The following FGD4 variants were observed in gnomAD, a reference collection of about 807,000 sequenced individuals.
FGD4 encodes FYVE, RhoGEF and PH domain-containing protein 4.
A neutral mutation model predicts 102.0 loss-of-function variants in FGD4; 42 were observed. The observed-to-expected ratio is 0.41, with a 90% CI of 0.32 to 0.53. The LOEUF (loss-of-function observed/expected upper bound fraction) is 0.53, where lower values mean the gene tolerates loss of function less well. Among genes scored for constraint, FGD4 ranks in the 20% least tolerant of loss-of-function variants. The pLI is 0.21. For synonymous variants in FGD4, 380 were observed against 375.7 expected (o/e 1.01, Z -0.13); for missense variants, 902 against 1,078.2 (o/e 0.84, Z 2.29).
chr12:32,556,482 T>C (rs979250308), intron 1 of FGD4, among the ~76,000 whole-genome samples: 1 of 152,130 alleles, frequency 6.6e-6, no homozygotes, highest in African/African-American at 2.4e-5. Context: ...AGTGGAATTA[T>C]ACAGTATTTC....
intron 15 of FGD4, among the ~76,000 whole-genome samples, chr12:32,635,787 G>A (rs192209456): frequency 7.9e-5 from 12 of 152,172 alleles, no homozygotes; most frequent in African/African-American, 2.6e-4. Context: ...GGCTGAGGCG[G>A]GCGGATCACA....
intron 1 of FGD4, among the ~76,000 whole-genome samples, chr12:32,421,836 G>A (rs1428072305): frequency 1.3e-5 from 2 of 152,106 alleles, no homozygotes; most frequent in East Asian, 3.9e-4. Context: ...TTCACAGCTT[G>A]TATAGAAAAA....
intron 1 of FGD4, among the ~76,000 whole-genome samples, chr12:32,540,872 C>T (rs898145614): frequency 3.3e-5 from 5 of 152,038 alleles, no homozygotes; most frequent in African/African-American, 1.2e-4. Context: ...GTGAAGGGTC[C>T]TTTATGCAAG....
intron 1 of FGD4, among the ~76,000 whole-genome samples, chr12:32,535,123 T>C (rs1942135776): frequency 6.6e-6 from 1 of 152,220 alleles, no homozygotes; most frequent in African/African-American, 2.4e-5. Flanking sequence ...GAAATAGAAA[T>C]GTAATTCAAC....
chr12:32,600,796 C>T (rs1948375506), intron 5 of FGD4, among the ~76,000 whole-genome samples: 1 of 151,898 alleles, frequency 6.6e-6, no homozygotes, highest in Non-Finnish European at 1.5e-5. Context: ...TGATGTTCCC[C>T]TTTCCCAAGG....
In FGD4 at chr12:32,544,743, AT is replaced by A. The variant is rs755742916; in HGVS notation, c.167-19392del. Among the ~76,000 whole-genome samples the A allele has an allele frequency of 6.7e-6, 1 of 149,196 alleles. No homozygotes were observed. Among genetic ancestry groups the A allele is most frequent in the Non-Finnish European group, 1.5e-5 (1 of 67,264 alleles). On this transcript the variant is annotated intron_variant, in intron 1 of 16. Coordinates refer to ENST00000534526, the MANE Select transcript of FGD4 (RefSeq NM_001370298.3). The surrounding 1 kb of genome is among the most constrained non-coding windows in gnomAD (Gnocchi z 4.1). ...GATACTCTGTCTCCAAAAAAAAAAA[AT>A]TACTATTAAAATTAGTCTTCATGGT...
chr12:32,594,902 G>C (rs1487322714), intron 4 of FGD4, among the ~76,000 whole-genome samples: 1 of 151,964 alleles, frequency 6.6e-6, no homozygotes, highest in Non-Finnish European at 1.5e-5. Context: ...ATGGTGGCAC[G>C]CACGTGTAGT....
At chr12:32,502,389 G>C in intron 1 of FGD4, 2 of 964,178 alleles carry the variant, frequency 2.1e-6, no homozygotes, top group Non-Finnish European at 2.5e-6. Flanking sequence ...TTGTGTGGGG[G>C]CATTATCTCC....
At position 32,642,835 on chromosome 12, in the gene FGD4, A is replaced by C. The variant is rs1001308588; in HGVS notation, c.*2302A>C. 1.3e-5 allele frequency: 2 copies of C among 152,532 alleles called. No homozygotes were observed. Among genetic ancestry groups the C allele is most frequent in the Non-Finnish European group, 2.9e-5 (2 of 67,962 alleles). 9.4% of individuals were successfully genotyped at this position (152,532 alleles called of 1,614,324 possible). ...TAAAGAATCACTGATGTTTTTACTC[A>C]ATGAAAGGTAAAGTAATACCCTTAG... is the stretch of plus-strand genomic sequence containing the variant. On this transcript the variant is annotated 3_prime_UTR_variant, in exon 17 of 17. Transcript: ENST00000534526.
chr12:32,591,954 A>G (rs1947509729), intron 4 of FGD4, among the ~76,000 whole-genome samples: 1 of 152,202 alleles, frequency 6.6e-6, no homozygotes, highest in African/African-American at 2.4e-5. Flanking sequence ...GAGGAGTGTA[A>G]CTTTTGGTGC....
At chr12:32,450,374 C>A (rs1942741223) in intron 1 of FGD4, among the ~76,000 whole-genome samples, 1 of 151,860 alleles carries the variant, frequency 6.6e-6, no homozygotes, top group Non-Finnish European at 1.5e-5. Flanking sequence ...GCCAGGCCAC[C>A]TATTTTTTTT....
chr12:32,604,280 C>G (rs1372937946), intron 7 of FGD4, among the ~76,000 whole-genome samples: 2 of 151,528 alleles, frequency 1.3e-5, no homozygotes, highest in Non-Finnish European at 2.9e-5. Flanking sequence ...GCCATTATTT[C>G]TTCAAATATT....
intron 1 of FGD4, among the ~76,000 whole-genome samples, chr12:32,503,400 G>T (rs1938404445): frequency 6.6e-6 from 1 of 152,118 alleles, no homozygotes; most frequent in Admixed American, 6.6e-5. Flanking sequence ...GTTAGAAAAG[G>T]TTATTGCTAA....
chr12:32,554,916 T>C (rs1013235023), intron 1 of FGD4, among the ~76,000 whole-genome samples: 15 of 152,226 alleles, frequency 9.9e-5, no homozygotes, highest in Admixed American at 2.0e-4. Context: ...GGCCAGATCC[T>C]ATAGAGCTTA....
At chr12:32,409,652 A>G (rs966319574) in intron 1 of FGD4, among the ~76,000 whole-genome samples, 1 of 152,024 alleles carries the variant, frequency 6.6e-6, no homozygotes, top group Non-Finnish European at 1.5e-5. Context: ...AAAACCTTCC[A>G]TGTCTCCCCA....
rs1052052884 is a variant in FGD4, at chr12:32,561,169, C to G, written c.167-2968C>G. ...GTGCGATCTCAGCTCACTGCAACCT[C>G]CCCCCATCCTGGGTTCAGGTGATTC... On this transcript the variant is annotated intron_variant, in intron 1 of 16. Transcript: ENST00000534526. Among the ~76,000 whole-genome samples, 10 of 146,060 alleles carry G rather than the reference C, an allele frequency of 6.8e-5. No individual in the cohort carries two copies. The East Asian group carries it at 1.1e-3, about 15-fold the overall frequency.
At chr12:32,504,465 A>G (rs1938511278) in intron 1 of FGD4, among the ~76,000 whole-genome samples, 1 of 152,192 alleles carries the variant, frequency 6.6e-6, no homozygotes. Flanking sequence ...GGAATTTAGG[A>G]TTTAGAATGT....
intron 4 of FGD4, among the ~76,000 whole-genome samples, 196 bp from the exon 5 acceptor site, chr12:32,598,301 T>C (rs540876883): frequency 6.6e-6 from 1 of 152,240 alleles, no homozygotes; most frequent in East Asian, 1.9e-4. Flanking sequence ...GGAGAAACTA[T>C]AGTTTAAATC....
intron 1 of FGD4, among the ~76,000 whole-genome samples, chr12:32,563,233 C>T (rs987518259): frequency 6.6e-6 from 1 of 151,676 alleles, no homozygotes; most frequent in African/African-American, 2.4e-5. Flanking sequence ...AGGGGCTCCT[C>T]ACTTCTCAGA....
Sources: allele counts gnomAD v4.1 joint callset (sites outside exome capture counted in the v4.1 genomes callset), GRCh38; gene constraint gnomAD v4.1.1; non-coding constraint Gnocchi (gnomAD v3.1); transcripts MANE v1.5; gene names NCBI Gene and HGNC (gene_info 2026-07-23, HGNC 2026-07-21).